The following ASCC3 variants were observed in gnomAD, a reference collection of about 807,000 sequenced individuals.
ASCC3 encodes activating signal cointegrator 1 complex subunit 3, also known as ASC-1 complex subunit P200.
ASCC3 carries 158 observed loss-of-function variants against 256.3 expected under a neutral mutation model. The ratio of observed to expected loss-of-function variants is 0.62; its 90% CI spans 0.54 to 0.70. The LOEUF (loss-of-function observed/expected upper bound fraction) is 0.70, where lower values mean the gene tolerates loss of function less well. ASCC3 is among the 30% of genes least tolerant of loss of function. The pLI, the probability that ASCC3 is intolerant of heterozygous loss-of-function variation, is 0.00. For missense variants in ASCC3, 2,259 were observed against 2,626.0 expected, an observed-to-expected ratio of 0.86 and a Z score of 3.05; for synonymous variants, 948 against 883.4, an observed-to-expected ratio of 1.07 and a Z score of -1.30.
chr6:100,723,284 C>T (rs1490864146), intron 11 of ASCC3, among the ~76,000 whole-genome samples: 2 of 151,406 alleles, frequency 1.3e-5, no homozygotes, highest in Non-Finnish European at 3.0e-5. Flanking sequence ...TTTATTTGGT[C>T]TCACATTTAA....
Position 100,662,427 on chromosome 6 carries a change from G to A in ASCC3, c.2396C>T (p.Ser799Phe), listed in dbSNP as rs780701227. 6.2e-7 allele frequency: 1 copy of A among 1,613,256 alleles called. No individual in the cohort carries two copies. The highest frequency in any genetic ancestry group is 8.5e-7 in the Non-Finnish European group (1 of 1,179,506). Reference protein sequence around the residue: ...QDRNLVENLFSNGHIKVLVCT... With the variant: ...QDRNLVENLFFNGHIKVLVCT... The stretch of plus-strand genomic sequence containing the variant: ...CACTAGGACTTTGATATGCCCATTA[G>A]AAAACAAGTTTTCAACTAAATTTCT... The change falls in exon 15 of 42, where the codon TCT becomes TTT. Residue 799 changes from serine (S) to phenylalanine (F), a missense_variant. Ser to Phe is a radical substitution (Grantham distance 155). Transcript: ENST00000369162.
chr6:100,519,950 G>C (rs544073514), intron 37 of ASCC3, among the ~76,000 whole-genome samples: 22 of 152,122 alleles, frequency 1.4e-4, no homozygotes, highest in Non-Finnish European at 1.9e-4. Flanking sequence ...TTTAAATTTA[G>C]AGAAAAGGCA....
chr6:100,600,517 G>A (rs758209055), intron 34 of ASCC3, among the ~76,000 whole-genome samples: 2 of 152,066 alleles, frequency 1.3e-5, no homozygotes, highest in African/African-American at 2.4e-5. Context: ...ACACCCTAAC[G>A]GTGGAGGGAA....
At chr6:100,836,332 T>A (rs1771873451) in intron 4 of ASCC3, among the ~76,000 whole-genome samples, 1 of 152,068 alleles carries the variant, frequency 6.6e-6, no homozygotes, top group Admixed American at 6.5e-5. Context: ...TTATTCCAGA[T>A]CTTAAAAGTT....
intron 30 of ASCC3, among the ~76,000 whole-genome samples, chr6:100,610,300 G>A (rs905935297): frequency 1.3e-5 from 2 of 152,072 alleles, no homozygotes; most frequent in South Asian, 2.1e-4. Context: ...AAATCAATAA[G>A]TAGATCACAA....
chr6:100,839,848 C>A (rs1252631391), intron 4 of ASCC3, among the ~76,000 whole-genome samples: 7 of 152,234 alleles, frequency 4.6e-5, no homozygotes, highest in South Asian at 2.1e-4. Flanking sequence ...AAAAGGACTA[C>A]CAACTGCAGT....
chr6:100,839,269 C>G (rs116017447), intron 4 of ASCC3, among the ~76,000 whole-genome samples: 2,519 of 152,132 alleles, frequency 0.017, 71 homozygotes, highest in African/African-American at 0.058. Context: ...TTGTTAGATA[C>G]CTTTTATGTC....
intron 30 of ASCC3, among the ~76,000 whole-genome samples, chr6:100,616,995 T>C (rs534582683): frequency 1.4e-4 from 21 of 147,076 alleles, no homozygotes; most frequent in South Asian, 9.4e-4. Flanking sequence ...TTGTTGTCGT[T>C]GTTGTTGTTG....
chr6:100,520,330 T>C (rs933213324), intron 37 of ASCC3, among the ~76,000 whole-genome samples: 8 of 152,128 alleles, frequency 5.3e-5, no homozygotes, highest in African/African-American at 1.7e-4. Context: ...TGCTTTTCAC[T>C]CTGGCCACGT....
In ASCC3 at chr6:100,676,383, G is replaced by A. The variant is rs1486571768; in HGVS notation, c.2286+3235C>T. Among the ~76,000 whole-genome samples the A allele has an allele frequency of 4.6e-5, 7 of 152,194 alleles. No individual in the cohort carries two copies. In the East Asian group the frequency reaches 9.7e-4, roughly 21 times the overall value. ...GTTTCAGAAATGTTTAGATGTCCAA[G>A]GCCACAAACCTTCTAGAGGTAAAAT... On this transcript the variant is annotated intron_variant, in intron 14 of 41. Transcript: ENST00000369162.
chr6:100,529,552 G>A (rs997214885), intron 37 of ASCC3, among the ~76,000 whole-genome samples: 3 of 152,062 alleles, frequency 2.0e-5, no homozygotes, highest in African/African-American at 7.2e-5. Context: ...TAATTAAAAG[G>A]AGGTGATTTA....
At chr6:100,705,866 T>C (rs1778556110) in intron 13 of ASCC3, among the ~76,000 whole-genome samples, 1 of 151,964 alleles carries the variant, frequency 6.6e-6, no homozygotes, top group Admixed American at 6.6e-5. Flanking sequence ...TTATGAAATA[T>C]GTAATTGGCT....
At chr6:100,606,095 C>T (rs899391906) in intron 32 of ASCC3, among the ~76,000 whole-genome samples, 4 of 151,366 alleles carry the variant, frequency 2.6e-5, no homozygotes, top group African/African-American at 9.7e-5. Flanking sequence ...GATTATTTTC[C>T]CCGTGAATAA....
chr6:100,838,592 A>G (rs775585590), intron 4 of ASCC3, among the ~76,000 whole-genome samples: 1 of 152,086 alleles, frequency 6.6e-6, no homozygotes, highest in Non-Finnish European at 1.5e-5. Flanking sequence ...CTTAATCTAC[A>G]CAACAATTTA....
At chr6:100,525,156 CAAAAAAAAAAA>C (rs57882047) in intron 37 of ASCC3, among the ~76,000 whole-genome samples, 8 of 44,954 alleles carry the variant, frequency 1.8e-4, no homozygotes, top group Non-Finnish European at 2.7e-4. Flanking sequence ...GACCCTGTCT[CAAAAAAAAAAA>C]AAAAAAAAAA....
At chr6:100,651,177 G>A (rs769278139) in intron 19 of ASCC3, among the ~76,000 whole-genome samples, 25 of 151,752 alleles carry the variant, frequency 1.6e-4, no homozygotes, top group Non-Finnish European at 3.5e-4. Flanking sequence ...AAGTATTAAA[G>A]TTTTCACTGT....
intron 4 of ASCC3, among the ~76,000 whole-genome samples, chr6:100,837,339 A>C (rs573596403): frequency 5.3e-5 from 8 of 152,264 alleles, no homozygotes; most frequent in African/African-American, 1.9e-4. Flanking sequence ...GTTTCTCAAA[A>C]AATTAAAAAT....
intron 36 of ASCC3, among the ~76,000 whole-genome samples, chr6:100,552,758 G>A (rs1273569375): frequency 6.6e-6 from 1 of 151,676 alleles, no homozygotes; most frequent in East Asian, 1.9e-4. Context: ...AAAGTATTAT[G>A]GAGTATATTA....
At chr6:100,571,606 C>T in intron 36 of ASCC3, among the ~76,000 whole-genome samples, 1 of 152,116 alleles carries the variant, frequency 6.6e-6, no homozygotes, top group East Asian at 1.9e-4. Context: ...AAAAATTGTT[C>T]TATGCATTTC....
Sources: gnomAD v4.1 joint callset for allele counts (sites outside exome capture counted in the v4.1 genomes callset) on GRCh38, gnomAD v4.1.1 for gene constraint, MANE v1.5 for transcripts, NCBI Gene and HGNC (gene_info 2026-07-23, HGNC 2026-07-21) for gene names.